Variants in TIE1 observed in about 807,000 individuals in gnomAD.
TIE1 encodes the protein tyrosine-protein kinase receptor Tie-1.
In TIE1, 89 loss-of-function variants were observed where a neutral mutation model predicts 130.5. The observed-to-expected ratio is 0.68, with a 90% confidence interval of 0.57 to 0.81. The LOEUF (loss-of-function observed/expected upper bound fraction) is 0.81. Ranked by LOEUF, TIE1 falls within the 40% of genes least tolerant of loss-of-function variation. TIE1 has a pLI of 0.00. For synonymous variants in TIE1, 568 were observed against 629.4 expected (o/e 0.90, Z 1.46); for missense variants, 1,392 against 1,559.8 (o/e 0.89, Z 1.81).
rs879834263 is a variant in TIE1 at position 43,302,167 on chromosome 1, A to G, written c.58+1038A>G. On this transcript the variant is annotated intron_variant, in intron 1 of 22. Coordinates refer to ENST00000372476, the MANE Select transcript of TIE1 (RefSeq NM_005424.5). ...CTGGACAAACATTTATTGAGCACCA[A>G]CAATATTCCAGGAGTTGTGCTAAGT... is the stretch of plus-strand genomic sequence containing the variant. 3.9e-5 allele frequency among the ~76,000 whole-genome samples: 6 copies of G among 152,346 alleles called. No individual in the cohort carries two copies. The East Asian group carries it at 1.2e-3, about 29-fold the overall frequency.
At chr1:43,310,631 C>T (rs144207345) in intron 9 of TIE1, among the ~76,000 whole-genome samples, 11 of 152,244 alleles carry the variant, frequency 7.2e-5, no homozygotes, top group African/African-American at 2.4e-4. Flanking sequence ...GGTGGGGACT[C>T]CATGAAGTGG....
chr1:43,309,421 A>G lies in TIE1; in HGVS notation c.1222A>G (p.Thr408Ala). The change falls in exon 9 of 23, where the codon ACA (threonine) becomes GCA (alanine). Residue 408 changes from threonine (T) to alanine (A), a missense_variant. This residue lies in a region of TIE1 where 551 missense variants were observed against 565.5 expected (regional missense o/e 0.97). Transcript: ENST00000372476. This position sits in a 1 kb window ranked among gnomAD's most constrained non-coding sequence, Gnocchi z 6.3. The part of the protein sequence containing the change: ...TKAIVEPEKT[T>A]AEFEVPRLVL... Reference sequence around the variant, plus strand: ...GGCCATTGTGGAGCCAGAGAAGACCACAGCTGAGTTCGAGGTGCCCCGCTT... The same window carrying G: ...GGCCATTGTGGAGCCAGAGAAGACCGCAGCTGAGTTCGAGGTGCCCCGCTT... The G allele has an allele frequency of 6.2e-7, 1 of 1,609,344 alleles. No individual in the cohort carries two copies. The highest frequency in any genetic ancestry group is 1.3e-5 in the African/African-American group (1 of 74,908).
chr1:43,310,094 T>C (rs1319584748), intron 9 of TIE1, among the ~76,000 whole-genome samples: 1 of 152,036 alleles, frequency 6.6e-6, no homozygotes, highest in African/African-American at 2.4e-5. Context: ...CCCTAAGTCT[T>C]AACCATTCAC....
Position 43,317,066 on chromosome 1 carries a change from A to G in TIE1, c.2410-133A>G. Reference sequence around the variant, plus strand: ...TCTGCCTGTCTGTCCCTGGCTGACCACCAGGGTGCCCTCCATCTGGGTCTC... The same window carrying G: ...TCTGCCTGTCTGTCCCTGGCTGACCGCCAGGGTGCCCTCCATCTGGGTCTC... On this transcript the variant is annotated intron_variant, in intron 14 of 22. Transcript: ENST00000372476. This position sits in a 1 kb window ranked among gnomAD's most constrained non-coding sequence, Gnocchi z 5.1. 1 of 868,646 alleles carries G rather than the reference A, an allele frequency of 1.2e-6. No homozygotes were observed. 53.8% of individuals were successfully genotyped at this position (868,646 alleles called of 1,614,324 possible).
chr1:43,313,231 C>A lies in TIE1; in HGVS notation c.2024C>A (p.Ser675Tyr), dbSNP rs1557448952. The change falls in exon 13 of 23, where the codon TCC (serine) becomes TAC (tyrosine). Residue 675 changes from serine to tyrosine, a missense_variant. Ser to Tyr is a moderately radical substitution (Grantham distance 144). Around this residue, in one of 6 missense-constraint regions of TIE1, gnomAD observed 551 missense variants for 565.5 expected, o/e 0.97. Coordinates refer to ENST00000372476, the MANE Select transcript of TIE1 (RefSeq NM_005424.5). This position sits in a 1 kb window ranked among gnomAD's most constrained non-coding sequence, Gnocchi z 6.2. Reference protein sequence around the residue: ...KHPEALPGPISKYVVEVQVAG... With the variant: ...KHPEALPGPIYKYVVEVQVAG... ...CCGGAGGCTCTGCCTGGGCCAATAT[C>A]CAAGTACGTTGTGGAGGTGCAGGTG... is the stretch of plus-strand genomic sequence containing the variant. 6.2e-7 allele frequency: 1 copy of A among 1,614,016 alleles called. No individual in the cohort carries two copies. Among genetic ancestry groups the A allele is most frequent in the Non-Finnish European group, 8.5e-7 (1 of 1,179,922 alleles).
Position 43,312,540 on chromosome 1 carries a change from C to T in TIE1, c.1866C>T (p.Leu622=). The T allele has an allele frequency of 6.2e-7, 1 of 1,613,574 alleles. No individual in the cohort carries two copies. Among genetic ancestry groups the T allele is most frequent in the African/African-American group, 1.3e-5 (1 of 75,044 alleles). ...PGTHYQLDVQ[L]YHCTLLGPAS... ...CCCACTACCAGCTGGATGTGCAGCT[C>T]TACCACTGCACCCTCCTGGGCCCGG... The change falls in exon 12 of 23, where the codon CTC becomes CTT. Residue 622 remains leucine, a synonymous_variant. Coordinates refer to ENST00000372476, the MANE Select transcript of TIE1 (RefSeq NM_005424.5). This position sits in a 1 kb window ranked among gnomAD's most constrained non-coding sequence, Gnocchi z 5.6.
In TIE1 at chr1:43,317,188, A is replaced by C; in HGVS notation, c.2410-11A>C. On this transcript the variant is annotated splice_polypyrimidine_tract_variant and intron_variant, in intron 14 of 22. Transcript: ENST00000372476. The surrounding 1 kb of genome is among the most constrained non-coding windows in gnomAD (Gnocchi z 5.1). ...CGTGGACCGTCTGCCCTCTTGTCTC[A>C]TCCTGTGAAGGGCGAGGAGACCATC... 4 of 1,613,558 alleles carry C rather than the reference A, an allele frequency of 2.5e-6. No homozygotes were observed. In the East Asian group the frequency reaches 8.9e-5, roughly 36 times the overall value.
chr1:43,305,397 C>A (rs980960585), intron 3 of TIE1, 54 bp downstream of exon 3: 1 of 1,445,272 alleles, frequency 6.9e-7, no homozygotes, highest in Non-Finnish European at 9.2e-7. Context: ...TTCTGAGGCC[C>A]CAACACTTTC....
chr1:43,313,985 G>A lies in TIE1; in HGVS notation c.2409+17G>A, dbSNP rs746783504. On this transcript the variant is annotated intron_variant, in intron 14 of 22. Coordinates refer to ENST00000372476, the MANE Select transcript of TIE1 (RefSeq NM_005424.5). This position sits in a 1 kb window ranked among gnomAD's most constrained non-coding sequence, Gnocchi z 6.2. ...TCAGGCTCGGTCAGTGACCCGCCCC[G>A]CCCCTGGGTGCATGCTTGCAGCCCG... is the stretch of plus-strand genomic sequence containing the variant. The A allele has an allele frequency of 6.6e-5, 106 of 1,613,616 alleles. No homozygotes were observed. The Admixed American group carries it at 9.2e-4, about 14-fold the overall frequency.
In TIE1 at chr1:43,313,026, T is replaced by A; in HGVS notation, c.1928-109T>A. 1 of 1,339,066 alleles carries A rather than the reference T, an allele frequency of 7.5e-7. No individual in the cohort carries two copies. Among genetic ancestry groups the A allele is most frequent in the Non-Finnish European group, 1.0e-6 (1 of 981,948 alleles). 82.9% of individuals were successfully genotyped at this position (1,339,066 alleles called of 1,614,324 possible). A position where few individuals can be genotyped will look rare whatever the true frequency, so the allele number is the denominator to read the frequency against. ...AGGAGGAAGTTGGCAGGGTGGCCCC[T>A]GTGCTTGGACCCACAGAGGAGGGAG... On this transcript the variant is annotated intron_variant, in intron 12 of 22. Transcript: ENST00000372476. The surrounding 1 kb of genome is among the most constrained non-coding windows in gnomAD (Gnocchi z 6.2).
rs756290219 is a variant in TIE1, at chr1:43,322,758, G to A, written c.*36G>A. ...AGCCAGAACGTGGCTCTGCTGGCCG[G>A]AGCAAACTCTGCTGTCTAACCTGTG... On this transcript the variant is annotated 3_prime_UTR_variant, in exon 23 of 23. Coordinates refer to ENST00000372476, the MANE Select transcript of TIE1 (RefSeq NM_005424.5). The surrounding 1 kb of genome is among the most constrained non-coding windows in gnomAD (Gnocchi z 4.0). The A allele has an allele frequency of 1.9e-6, 3 of 1,602,068 alleles. No homozygotes were observed. Among genetic ancestry groups the A allele is most frequent in the South Asian group, 1.1e-5 (1 of 90,394 alleles).
chr1:43,311,547 G>A (rs1646791098), intron 9 of TIE1, 124 bp from the exon 10 acceptor site: 4 of 1,324,026 alleles, frequency 3.0e-6, no homozygotes, highest in Non-Finnish European at 4.1e-6. Flanking sequence ...CTGGGCCCTG[G>A]CCACTATGGT....
chr1:43,318,270 G>C lies in TIE1; in HGVS notation c.2922+198G>C, dbSNP rs1029068466. ...TGGGGACTTCCAGTATGGAGGGTGC[G>C]GGTGTTGAGTGAGCAGGTCTAGATG... On this transcript the variant is annotated intron_variant, in intron 17 of 22. Coordinates refer to ENST00000372476, the MANE Select transcript of TIE1 (RefSeq NM_005424.5). The surrounding 1 kb of genome is among the most constrained non-coding windows in gnomAD (Gnocchi z 4.4). Among the ~76,000 whole-genome samples, 1 of 152,292 alleles carries C rather than the reference G, an allele frequency of 6.6e-6. No individual in the cohort carries two copies. The highest frequency in any genetic ancestry group is 1.9e-4 in the East Asian group (1 of 5,172).
Position 43,317,224 on chromosome 1 carries a change from G to C in TIE1, c.2435G>C (p.Ser812Thr). The C allele has an allele frequency of 1.2e-6, 2 of 1,614,098 alleles. No homozygotes were observed. Among genetic ancestry groups the C allele is most frequent in the South Asian group, 1.1e-5 (1 of 91,084 alleles). The change falls in exon 15 of 23, where the codon AGC (serine) becomes ACC (threonine). Residue 812 changes from serine to threonine, a missense_variant. This residue lies in a region of TIE1 where 286 missense variants were observed against 354.4 expected (regional missense o/e 0.81). Transcript: ENST00000372476. The surrounding 1 kb of genome is among the most constrained non-coding windows in gnomAD (Gnocchi z 5.1). ...GGCGAGGAGACCATCCTGCAGTTCA[G>C]CTCAGGGACCTTGACACTTACCCGG... Reference protein sequence around the residue: ...GSGEETILQFSSGTLTLTRRP... With the variant: ...GSGEETILQFTSGTLTLTRRP...
Position 43,311,787 on chromosome 1 carries a change from T to C in TIE1, c.1450T>C (p.Tyr484His), listed in dbSNP as rs1203786075. The C allele has an allele frequency of 1.9e-6, 3 of 1,614,074 alleles. No homozygotes were observed. Among genetic ancestry groups the C allele is most frequent in the African/African-American group, 1.3e-5 (1 of 75,030 alleles). ...ACCCATCTCCACTGTCCGCCTGCAC[T>C]ACCGGCCCCAGGACAGTACCATGGA... ...DGPISTVRLH[Y>H]RPQDSTMDWS... The change falls in exon 10 of 23, where the codon TAC (tyrosine) becomes CAC (histidine). Residue 484 changes from tyrosine (Y) to histidine (H), a missense_variant. By Grantham distance (83) the Tyr-to-His change is moderately conservative (BLOSUM62 2). This residue lies in a region of TIE1 where 551 missense variants were observed against 565.5 expected (regional missense o/e 0.97). Transcript: ENST00000372476.
intron 1 of TIE1, among the ~76,000 whole-genome samples, chr1:43,302,859 G>A (rs978376697): frequency 1.3e-5 from 2 of 152,054 alleles, no homozygotes; most frequent in African/African-American, 2.4e-5. Context: ...GCAGGCTGGG[G>A]GGGTGGGGAT....
chr1:43,321,682 G>A lies in TIE1; in HGVS notation c.3312G>A (p.Ala1104=), dbSNP rs534340777. 2.4e-5 allele frequency: 37 copies of A among 1,553,204 alleles called. No individual in the cohort carries two copies. The East Asian group carries it at 2.9e-4, about 12-fold the overall frequency. ...AGCGACCCCCCTTTGCCCAGATTGCGCTACAGCTAGGCCGCATGCTGGAAG... is the reference window on the plus strand; with the variant it reads ...AGCGACCCCCCTTTGCCCAGATTGCACTACAGCTAGGCCGCATGCTGGAAG... The part of the protein sequence containing the change: ...PYERPPFAQI[A]LQLGRMLEAR... The change falls in exon 22 of 23, where the codon GCG becomes GCA. Residue 1104 remains alanine, a synonymous_variant. Transcript: ENST00000372476.
Position 43,305,156 on chromosome 1 carries a change from A to G in TIE1, c.364A>G (p.Ser122Gly), listed in dbSNP as rs1646714883. ...RRTRVIYVHN[S>G]PGAHLLPDKV... ...CACGCGCGTCATCTACGTGCACAAC[A>G]GCCCTGGAGGTGAGTTAGGCAGGCG... The change falls in exon 2 of 23, where the codon AGC (serine) becomes GGC (glycine). Residue 122 changes from serine to glycine, a missense_variant. Coordinates refer to ENST00000372476, the MANE Select transcript of TIE1 (RefSeq NM_005424.5). The G allele has an allele frequency of 6.2e-7, 1 of 1,613,910 alleles. No homozygotes were observed. The highest frequency in any genetic ancestry group is 8.5e-7 in the Non-Finnish European group (1 of 1,179,966).
At position 43,321,625 on chromosome 1, in the gene TIE1, G is replaced by C. The variant is rs1646920836; in HGVS notation, c.3255G>C (p.Leu1085=). The change falls in exon 22 of 23, where the codon CTG becomes CTC. Residue 1085 remains leucine, a synonymous_variant. Coordinates refer to ENST00000372476, the MANE Select transcript of TIE1 (RefSeq NM_005424.5). ...PRNCDDEVYE[L]MRQCWRDRPY... is the part of the protein sequence containing the mutation. The stretch of plus-strand genomic sequence containing the variant: ...CAATGCCCCCTCGCAGGTACGAGCT[G>C]ATGCGTCAGTGCTGGCGGGACCGTC... 7 of 1,554,106 alleles carry C rather than the reference G, an allele frequency of 4.5e-6. No individual in the cohort carries two copies. The South Asian group carries it at 7.1e-5, about 16-fold the overall frequency.
Sources: gnomAD v4.1 joint callset for allele counts (sites outside exome capture counted in the v4.1 genomes callset) on GRCh38, gnomAD v4.1.1 for gene constraint, gnomAD v4.1.1 regional missense constraint, Gnocchi (gnomAD v3.1) non-coding constraint, MANE v1.5 for transcripts, NCBI Gene and HGNC (gene_info 2026-07-23, HGNC 2026-07-21) for gene names.